Variants in EFNA5 observed in about 807,000 individuals in gnomAD.
EFNA5 encodes ephrin-A5.
In EFNA5, 5 loss-of-function variants were observed where a neutral mutation model predicts 22.9. The observed-to-expected ratio is 0.22, with a 90% CI of 0.11 to 0.46. EFNA5 has a LOEUF of 0.46. Among genes scored for constraint, EFNA5 ranks in the 20% least tolerant of loss-of-function variants. The pLI is 0.99. For missense variants in EFNA5, 237 were observed against 293.3 expected (o/e 0.81, Z 1.40); for synonymous variants, 113 against 112.2 (o/e 1.01, Z -0.04).
At chr5:107,414,246 G>T (rs372790812) in intron 2 of EFNA5, among the ~76,000 whole-genome samples, 4 of 152,112 alleles carry the variant, frequency 2.6e-5, no homozygotes, top group Admixed American at 6.6e-5. Context: ...TTGGGATAGC[G>T]TCTTAAGCCC....
At chr5:107,456,294 T>G (rs1044822186) in intron 1 of EFNA5, among the ~76,000 whole-genome samples, 6 of 152,148 alleles carry the variant, frequency 3.9e-5, no homozygotes, top group Admixed American at 1.3e-4. Context: ...GCTCTCTCTT[T>G]TAACATGCTG....
intron 1 of EFNA5, among the ~76,000 whole-genome samples, chr5:107,607,775 A>C (rs1162043492): frequency 6.6e-6 from 1 of 152,100 alleles, no homozygotes; most frequent in Admixed American, 6.5e-5. Context: ...CAAAAAACAA[A>C]TAAATCTTCA....
chr5:107,484,468 C>G (rs1426845505), intron 1 of EFNA5, among the ~76,000 whole-genome samples: 1 of 152,132 alleles, frequency 6.6e-6, no homozygotes, highest in Non-Finnish European at 1.5e-5. Context: ...TTGCAACAGA[C>G]GTTTTGCATG....
chr5:107,428,856 T>C (rs2112422761), intron 1 of EFNA5, among the ~76,000 whole-genome samples: 1 of 152,340 alleles, frequency 6.6e-6, no homozygotes, highest in East Asian at 1.9e-4. Context: ...TGATCCTACT[T>C]CTGCTGCCTG....
At chr5:107,395,034 C>CTTTT (rs58619326) in intron 2 of EFNA5, among the ~76,000 whole-genome samples, 5 of 86,128 alleles carry the variant, frequency 5.8e-5, no homozygotes, top group African/African-American at 2.2e-4. Context: ...ATTTCTAGTT[C>CTTTT]TTTTTTTTTT....
chr5:107,541,553 C>T (rs1748048727), intron 1 of EFNA5, among the ~76,000 whole-genome samples: 1 of 152,146 alleles, frequency 6.6e-6, no homozygotes, highest in African/African-American at 2.4e-5. Flanking sequence ...ATAACATTGA[C>T]CTGAAACTTG....
intron 1 of EFNA5, among the ~76,000 whole-genome samples, chr5:107,485,753 G>T (rs540888302): frequency 6.6e-6 from 1 of 152,288 alleles, no homozygotes; most frequent in African/African-American, 2.4e-5. Flanking sequence ...GACCAAGAAA[G>T]GATGAAATGT....
At chr5:107,439,428 T>C (rs1306720249) in intron 1 of EFNA5, among the ~76,000 whole-genome samples, 1 of 152,168 alleles carries the variant, frequency 6.6e-6, no homozygotes, top group Non-Finnish European at 1.5e-5. Flanking sequence ...TAACATTAAA[T>C]TAGGGATACA....
At chr5:107,574,399 C>A (rs1748882270) in intron 1 of EFNA5, among the ~76,000 whole-genome samples, 1 of 152,142 alleles carries the variant, frequency 6.6e-6, no homozygotes, top group African/African-American at 2.4e-5. Context: ...TGACTGATAC[C>A]AAACCCCCTC....
chr5:107,412,979 G>A (rs1748410150), intron 2 of EFNA5, among the ~76,000 whole-genome samples: 1 of 152,152 alleles, frequency 6.6e-6, no homozygotes, highest in South Asian at 2.1e-4. Context: ...ATAAAAATTT[G>A]TCATGGAAGC....
chr5:107,469,298 T>C (rs1750074495), intron 1 of EFNA5, among the ~76,000 whole-genome samples: 1 of 152,174 alleles, frequency 6.6e-6, no homozygotes, highest in Non-Finnish European at 1.5e-5. Context: ...TTGCCCATCC[T>C]ACATTCATAA....
chr5:107,387,134 A>T, intron 4 of EFNA5, 101 bp downstream of exon 4: 1 of 763,250 alleles, frequency 1.3e-6, no homozygotes. Context: ...CAGAACAACA[A>T]CTATAACATG....
intron 1 of EFNA5, 108 bp downstream of exon 1, chr5:107,670,381 C>A: frequency 7.3e-7 from 1 of 1,374,774 alleles, no homozygotes; most frequent in Non-Finnish European, 9.5e-7. Context: ...ACGCAGGCTC[C>A]GAGGGTGCGC....
intron 1 of EFNA5, among the ~76,000 whole-genome samples, chr5:107,515,598 G>A (rs557619724): frequency 2.4e-4 from 37 of 151,224 alleles, no homozygotes; most frequent in South Asian, 1.1e-3. Context: ...GGCTGGTCTC[G>A]AACTCTCAAA....
intron 1 of EFNA5, among the ~76,000 whole-genome samples, chr5:107,480,853 G>A (rs1171582191): frequency 4.6e-5 from 7 of 152,180 alleles, no homozygotes; most frequent in Non-Finnish European, 4.4e-5. Flanking sequence ...CTCAAAGGGT[G>A]GGTGACTGCC....
intron 2 of EFNA5, among the ~76,000 whole-genome samples, chr5:107,420,522 T>TAAAAAAAAAAAAAAAAAAAAAAAAAAA (rs368304882): frequency 2.8e-5 from 3 of 109,050 alleles, no homozygotes; most frequent in African/African-American, 3.8e-5. Context: ...TCTGTGCTTT[T>TAAAAAAAAAAAAAAAAAAAAAAAAAAA]AAAAAAAAAA....
intron 1 of EFNA5, among the ~76,000 whole-genome samples, chr5:107,533,395 T>C (rs1580516514): frequency 1.3e-5 from 2 of 152,158 alleles, no homozygotes; most frequent in African/African-American, 4.8e-5. Context: ...ATCTCCCCCA[T>C]ACAGGCCACA....
intron 2 of EFNA5, among the ~76,000 whole-genome samples, chr5:107,408,536 T>C (rs1165578549): frequency 6.6e-6 from 1 of 152,230 alleles, no homozygotes; most frequent in Non-Finnish European, 1.5e-5. Flanking sequence ...TAAAATGATA[T>C]AGACCTGTTC....
At chr5:107,443,712 G>A (rs75304928) in intron 1 of EFNA5, among the ~76,000 whole-genome samples, 2,396 of 152,168 alleles carry the variant, frequency 0.016, 63 homozygotes, top group African/African-American at 0.055. Flanking sequence ...GACTGTCGGG[G>A]GTTGGGTGAA....
Sources: gnomAD v4.1 joint callset for allele counts (sites outside exome capture counted in the v4.1 genomes callset) on GRCh38, gnomAD v4.1.1 for gene constraint, MANE v1.5 for transcripts, NCBI Gene and HGNC (gene_info 2026-07-23, HGNC 2026-07-21) for gene names.